REV3L: variants seen among roughly 807,000 people sequenced by gnomAD.
The protein encoded by REV3L is DNA polymerase zeta catalytic subunit.
A neutral mutation model predicts 299.4 loss-of-function variants in REV3L; 69 were observed. The observed-to-expected ratio is 0.23, with a 90% CI of 0.19 to 0.28. The LOEUF is 0.28. REV3L is among the 10% of genes least tolerant of loss of function. The pLI is 1.00. For synonymous variants in REV3L, 1,238 were observed against 1,271.4 expected, an observed-to-expected ratio of 0.97 and a Z score of 0.56; for missense variants, 3,128 against 3,693.8, an observed-to-expected ratio of 0.85 and a Z score of 3.97.
chr6:111,330,376 A>G, intron 24 of REV3L: 1 of 441,050 alleles, frequency 2.3e-6, no homozygotes, highest in Non-Finnish European at 4.6e-6. Context: ...AATCATTTGT[A>G]TTCATCAAGA....
chr6:111,389,037 C>G, intron 7 of REV3L, 69 bp downstream of exon 7: 1 of 1,170,694 alleles, frequency 8.5e-7, no homozygotes, highest in Non-Finnish European at 1.3e-6. Flanking sequence ...AAAGGAACAA[C>G]TCAATGACAA....
At chr6:111,357,375 G>A (rs879732054) in intron 17 of REV3L, among the ~76,000 whole-genome samples, 1 of 152,104 alleles carries the variant, frequency 6.6e-6, no homozygotes, top group Non-Finnish European at 1.5e-5. Flanking sequence ...TGAAAAGGCT[G>A]CATTCATAAA....
chr6:111,360,293 T>G (rs540087240), intron 16 of REV3L, among the ~76,000 whole-genome samples: 1 of 152,090 alleles, frequency 6.6e-6, no homozygotes, highest in Non-Finnish European at 1.5e-5. Flanking sequence ...AGCACATGCA[T>G]AGAAAATTTC....
chr6:111,366,172 G>T (rs989580382), intron 14 of REV3L, among the ~76,000 whole-genome samples: 4 of 152,112 alleles, frequency 2.6e-5, no homozygotes, highest in African/African-American at 4.8e-5. Flanking sequence ...GTTTTTATGT[G>T]GAGGCATGTA....
rs2115066108 is a variant in REV3L, at chr6:111,373,206, A to G, written c.5149T>C (p.Trp1717Arg). 1.2e-6 allele frequency: 2 copies of G among 1,614,132 alleles called. No individual in the cohort carries two copies. Among genetic ancestry groups the G allele is most frequent in the East Asian group, 2.2e-5 (1 of 44,870 alleles). Residue 1717 changes from tryptophan to arginine, a missense_variant, in exon 13 of 32, where the codon TGG becomes CGG. Trp to Arg is a moderately radical substitution (Grantham distance 101). Coordinates refer to ENST00000368802, the MANE Select transcript of REV3L (RefSeq NM_001372078.1). The part of the protein sequence containing the change: ...DKHHTTDSAS[W>R]IRSGTLSPEI... ...GGACTTAAAGTACCAGATCTAATCC[A>G]TGAGGCTGAGTCTGTGGTATGATGC... is the stretch of plus-strand genomic sequence containing the variant.
chr6:111,327,204 AT>A (rs768025659), intron 25 of REV3L, among the ~76,000 whole-genome samples: 176 of 152,338 alleles, frequency 1.2e-3, no homozygotes, highest in Non-Finnish European at 1.1e-3. Flanking sequence ...TATTACTAAA[AT>A]ACATTAATAA....
intron 30 of REV3L, among the ~76,000 whole-genome samples, chr6:111,308,541 C>T (rs1233939806): frequency 2.0e-5 from 3 of 152,168 alleles, no homozygotes; most frequent in Non-Finnish European, 4.4e-5. Context: ...ATCATTTTCG[C>T]ACCATCGTTA....
chr6:111,431,054 C>G, intron 1 of REV3L: 1 of 1,523,370 alleles, frequency 6.6e-7, no homozygotes, highest in Non-Finnish European at 9.1e-7. Context: ...AGTTCTTATG[C>G]ACCGCATTAT....
At chr6:111,317,441 T>TA (rs1394298508) in intron 26 of REV3L, among the ~76,000 whole-genome samples, 5 of 152,200 alleles carry the variant, frequency 3.3e-5, no homozygotes, top group East Asian at 3.8e-4. Flanking sequence ...AGGTTTTTTT[T>TA]AGTTTCTTTA....
intron 29 of REV3L, 151 bp from the exon 30 acceptor site, chr6:111,310,250 A>G (rs1772826142): frequency 4.0e-6 from 4 of 1,007,766 alleles, no homozygotes; most frequent in Non-Finnish European, 5.4e-6. Flanking sequence ...TGAGAATAAT[A>G]TATATACATT....
chr6:111,330,783 A>T (rs1387355095), intron 24 of REV3L, among the ~76,000 whole-genome samples: 2 of 151,844 alleles, frequency 1.3e-5, no homozygotes, highest in African/African-American at 4.8e-5. Flanking sequence ...CCCATTTAAT[A>T]AAAAAAAATC....
chr6:111,307,806 T>TA, intron 30 of REV3L: 2 of 476,602 alleles, frequency 4.2e-6, no homozygotes, highest in South Asian at 5.4e-5. Flanking sequence ...ATTTTTTTTT[T>TA]ATTATTATAA....
intron 1 of REV3L, among the ~76,000 whole-genome samples, chr6:111,442,273 A>C (rs547942163): frequency 3.9e-5 from 6 of 152,318 alleles, no homozygotes; most frequent in Admixed American, 2.0e-4. Flanking sequence ...CAACTGTAAC[A>C]CTGGCTTTAT....
At position 111,374,956 on chromosome 6, in the gene REV3L, A is replaced by C. The variant is rs1780153117; in HGVS notation, c.3399T>G (p.Asp1133Glu). Residue 1133 changes from aspartate (D) to glutamate (E), a missense_variant, in exon 13 of 32, where the codon GAT (aspartate) becomes GAG (glutamate). Physicochemically the swap from Asp to Glu is conservative, Grantham distance 45 (BLOSUM62 2). Around this residue, in one of 9 missense-constraint regions of REV3L, gnomAD observed 2,409 missense variants for 2,611.8 expected, o/e 0.92. Transcript: ENST00000368802. ...SSPPRCWSPT[D>E]PRAEEIMAAA... ...CAGCCATGATTTCTTCAGCTCTTGG[A>C]TCTGTGGGAGACCAGCAGCGAGGTG... is the stretch of plus-strand genomic sequence containing the variant. 6.2e-7 allele frequency: 1 copy of C among 1,613,030 alleles called. No individual in the cohort carries two copies. Among genetic ancestry groups the C allele is most frequent in the African/African-American group, 1.3e-5 (1 of 74,974 alleles).
chr6:111,357,692 CAA>C (rs1315621203), intron 17 of REV3L, among the ~76,000 whole-genome samples: 1 of 139,838 alleles, frequency 7.2e-6, no homozygotes. Context: ...GACTCTGTCT[CAA>C]AAAAAAAAAG....
chr6:111,452,187 A>C (rs1351677038), intron 1 of REV3L, among the ~76,000 whole-genome samples: 3 of 152,190 alleles, frequency 2.0e-5, no homozygotes, highest in East Asian at 1.9e-4. Flanking sequence ...AAAAGACAGA[A>C]TTTTAAAAGA....
intron 20 of REV3L, among the ~76,000 whole-genome samples, chr6:111,344,648 A>G (rs111710022): frequency 6.6e-6 from 1 of 152,316 alleles, no homozygotes; most frequent in African/African-American, 2.4e-5. Flanking sequence ...AAAGGGCCCA[A>G]ATTAATAAAT....
chr6:111,373,385 A>G lies in REV3L; in HGVS notation c.4970T>C (p.Phe1657Ser). 1 of 1,613,658 alleles carries G rather than the reference A, an allele frequency of 6.2e-7. No homozygotes were observed. The highest frequency in any genetic ancestry group is 8.5e-7 in the Non-Finnish European group (1 of 1,179,884). The stretch of plus-strand genomic sequence containing the variant: ...CTGACTTCCAGAATAAAAGCTACAA[A>G]ATCCAGTCTGACCTATTGTGTTAAT... ...FDINTIGQTG[F>S]CSFYSGSQFV... Residue 1657 changes from phenylalanine to serine, a missense_variant, in exon 13 of 32, where the codon TTT becomes TCT. Transcript: ENST00000368802.
At position 111,313,434 on chromosome 6, in the gene REV3L, T is replaced by A; in HGVS notation, c.8522A>T (p.Glu2841Val). The change falls in exon 28 of 32, where the codon GAA becomes GTA. Residue 2841 changes from glutamate to valine, a missense_variant. This residue lies in a region of REV3L where 294 missense variants were observed against 377.0 expected (regional missense o/e 0.78). Transcript: ENST00000368802. The part of the protein sequence containing the change: ...TKKRYVGYMY[E>V]TLDQKDPVFD... The stretch of plus-strand genomic sequence containing the variant: ...TACTGGGTCCTTCTGATCCAGTGTT[T>A]CATACATGTAACCCACATACCTCTT... 6.2e-7 allele frequency: 1 copy of A among 1,613,518 alleles called. No homozygotes were observed. Among genetic ancestry groups the A allele is most frequent in the Non-Finnish European group, 8.5e-7 (1 of 1,179,746 alleles).
Sources: allele counts gnomAD v4.1 joint callset (sites outside exome capture counted in the v4.1 genomes callset), GRCh38; gene constraint gnomAD v4.1.1; regional missense constraint gnomAD v4.1.1; transcripts MANE v1.5; gene names NCBI Gene and HGNC (gene_info 2026-07-23, HGNC 2026-07-21).